Variants in TASOR observed in about 807,000 individuals in gnomAD.
TASOR encodes the protein protein TASOR.
Under a neutral mutation model 178.6 loss-of-function variants are expected in TASOR, and 53 were observed. The observed-to-expected ratio is 0.30, with a 90% CI of 0.24 to 0.37. The LOEUF is 0.37. Among genes scored for constraint, TASOR ranks in the 10% least tolerant of loss-of-function variants. The pLI, the probability that TASOR is intolerant of heterozygous loss-of-function variation, is 1.00. For missense variants in TASOR, 1,815 were observed against 1,971.4 expected (o/e 0.92, Z 1.50); for synonymous variants, 713 against 696.2 (o/e 1.02, Z -0.38).
intron 17 of TASOR, among the ~76,000 whole-genome samples, chr3:56,635,450 C>CTTCTCG (rs1380333505): frequency 6.6e-6 from 1 of 151,756 alleles, no homozygotes; most frequent in Non-Finnish European, 1.5e-5. Context: ...GAAGGATACA[C>CTTCTCG]GAGAAATTGG....
intron 13 of TASOR, 24 bp downstream of exon 13, chr3:56,648,798 G>T: frequency 6.5e-7 from 1 of 1,536,472 alleles, no homozygotes; most frequent in Non-Finnish European, 8.9e-7. Flanking sequence ...TAAGTAACCA[G>T]ATTTAGATAT....
chr3:56,681,728 G>T (rs1483941750), intron 1 of TASOR, among the ~76,000 whole-genome samples: 3 of 152,090 alleles, frequency 2.0e-5, no homozygotes, highest in African/African-American at 7.2e-5. Flanking sequence ...AAAATTTACT[G>T]GATAGTTAAA....
chr3:56,676,683 A>T lies in TASOR; in HGVS notation c.332-2958T>A, dbSNP rs1255782663. ...TTTCTATGAAATGTTAGTCTACATA[A>T]AAGAAATTTTCATTAGTTAAGCTAC... is the stretch of plus-strand genomic sequence containing the variant. On this transcript the variant is annotated intron_variant, in intron 1 of 23. Transcript: ENST00000683822. Among the ~76,000 whole-genome samples, 5 of 152,224 alleles carry T rather than the reference A, an allele frequency of 3.3e-5. No homozygotes were observed. The South Asian group carries it at 1.0e-3, about 32-fold the overall frequency.
At chr3:56,650,620 C>T (rs9867302) in intron 11 of TASOR, among the ~76,000 whole-genome samples, 28,166 of 152,042 alleles carry the variant, frequency 0.19, 3,436 homozygotes, top group South Asian at 0.41. Flanking sequence ...AAAGGAAGTT[C>T]AAATATTCTT....
At chr3:56,667,933 TA>T (rs1457558029) in intron 6 of TASOR, among the ~76,000 whole-genome samples, 1 of 152,200 alleles carries the variant, frequency 6.6e-6, no homozygotes, top group African/African-American at 2.4e-5. Context: ...TTTGCATCTT[TA>T]AAAATGTTAA....
chr3:56,640,091 T>G lies in TASOR; in HGVS notation c.2659A>C (p.Ser887Arg). The G allele has an allele frequency of 6.2e-7, 1 of 1,613,590 alleles. No individual in the cohort carries two copies. Residue 887 changes from serine (S) to arginine (R), a missense_variant, in exon 16 of 24, where the codon AGT (serine) becomes CGT (arginine). Ser to Arg is a moderately radical substitution (Grantham distance 110). Coordinates refer to ENST00000683822, the MANE Select transcript of TASOR (RefSeq NM_001365635.2). ...TCAATGGGAACACTGGGACACAAAC[T>G]GCAATCTTCAAAATTATTCACGCTA... ...LISVNNFEDC[S>R]LCPSVPIEHG...
intron 1 of TASOR, among the ~76,000 whole-genome samples, chr3:56,675,965 C>T (rs1204950439): frequency 6.6e-6 from 1 of 152,184 alleles, no homozygotes; most frequent in Non-Finnish European, 1.5e-5. Flanking sequence ...ATGGTTACCA[C>T]TATTTTCGAA....
intron 4 of TASOR, 50 bp from the exon 5 acceptor site, chr3:56,669,841 C>T: frequency 7.6e-7 from 1 of 1,307,334 alleles, no homozygotes; most frequent in Admixed American, 2.5e-5. Context: ...TTCAAAATCA[C>T]TAGGACTAAA....
Position 56,665,000 on chromosome 3 carries a change from C to A in TASOR, c.1022+1260G>T, listed in dbSNP as rs756341913. 1.0e-3 allele frequency among the ~76,000 whole-genome samples: 156 copies of A among 152,234 alleles called. 1 individual carries two copies. The highest frequency in any genetic ancestry group is 1.8e-3 in the Admixed American group (27 of 15,290). On this transcript the variant is annotated intron_variant, in intron 7 of 23. Coordinates refer to ENST00000683822, the MANE Select transcript of TASOR (RefSeq NM_001365635.2). ...GACCAGCCTGGCCAACACAGCAAGA[C>A]CCATTTCCATGAAAACTAAAAATAA...
Position 56,671,642 on chromosome 3 carries a change from T to C in TASOR, c.528A>G (p.Glu176=), listed in dbSNP as rs1427374897. The C allele has an allele frequency of 2.6e-6, 4 of 1,549,940 alleles. No homozygotes were observed. The highest frequency in any genetic ancestry group is 2.5e-5 in the East Asian group (1 of 40,794). ...ELKFDGRLDK[E]LSESYAFLMV... ...TCAGAAATGCATAGGATTCTGAAAG[T>C]TCCTTATCTAAACGACCATCAAACT... The change falls in exon 3 of 24, where the codon GAA becomes GAG. Residue 176 remains glutamate (E), a synonymous_variant. Coordinates refer to ENST00000683822, the MANE Select transcript of TASOR (RefSeq NM_001365635.2).
At chr3:56,658,375 T>C (rs975794425) in intron 11 of TASOR, among the ~76,000 whole-genome samples, 1 of 152,222 alleles carries the variant, frequency 6.6e-6, no homozygotes, top group East Asian at 1.9e-4. Flanking sequence ...CCGAAAGATA[T>C]TGTAATTTTC....
intron 11 of TASOR, among the ~76,000 whole-genome samples, chr3:56,651,588 T>C (rs2077353173): frequency 6.6e-6 from 1 of 152,042 alleles, no homozygotes; most frequent in Admixed American, 6.6e-5. Flanking sequence ...TAGTCCTGGC[T>C]ACTTGGAAAG....
intron 9 of TASOR, among the ~76,000 whole-genome samples, chr3:56,662,183 A>G (rs1392343231): frequency 6.6e-6 from 1 of 152,060 alleles, no homozygotes; most frequent in Non-Finnish European, 1.5e-5. Flanking sequence ...TGACTAGCCT[A>G]TCCTCAAATC....
Position 56,682,952 on chromosome 3 carries a change from T to G in TASOR, c.55A>C (p.Ser19Arg), listed in dbSNP as rs2031939793. The G allele has an allele frequency of 6.5e-7, 1 of 1,549,712 alleles. No homozygotes were observed. Among genetic ancestry groups the G allele is most frequent in the African/African-American group, 1.4e-5 (1 of 73,132 alleles). Residue 19 changes from serine to arginine, a missense_variant, in exon 1 of 24, where the codon AGT becomes CGT. Transcript: ENST00000683822. ...ATCTCGTCGTCTCCGCCGCCGCCAC[T>G]TTCCCAACTCGCATCCGTCGGCTGA... ...ACQPTDASWE[S>R]GGGGDDEMKQ...
At chr3:56,624,125 A>G (rs1260479171) in intron 23 of TASOR, among the ~76,000 whole-genome samples, 1 of 152,202 alleles carries the variant, frequency 6.6e-6, no homozygotes, top group African/African-American at 2.4e-5. Context: ...CTAAATCGCC[A>G]TATCTGGTTT....
Position 56,682,667 on chromosome 3 carries a change from A to C in TASOR, c.331+9T>G. Reference sequence around the variant, plus strand: ...GAGAGAGGGGGTTGAGAAGAAGGGGAGGCACCACCTTTCTTTTCTCTGCTC... The same window carrying C: ...GAGAGAGGGGGTTGAGAAGAAGGGGCGGCACCACCTTTCTTTTCTCTGCTC... On this transcript the variant is annotated intron_variant, in intron 1 of 23. Coordinates refer to ENST00000683822, the MANE Select transcript of TASOR (RefSeq NM_001365635.2). 6.9e-7 allele frequency: 1 copy of C among 1,454,030 alleles called. No individual in the cohort carries two copies. The highest frequency in any genetic ancestry group is 2.5e-5 in the East Asian group (1 of 39,618). 90.1% of individuals were successfully genotyped at this position (1,454,030 alleles called of 1,614,324 possible). A position where few individuals can be genotyped will look rare whatever the true frequency, so the allele number is the denominator to read the frequency against.
chr3:56,651,249 T>G (rs1227644520), intron 11 of TASOR, among the ~76,000 whole-genome samples: 1 of 151,150 alleles, frequency 6.6e-6, no homozygotes, highest in Admixed American at 6.6e-5. Context: ...TGTCTCTATT[T>G]TAGCTGTTTG....
Position 56,683,133 on chromosome 3 carries a change from T to C in TASOR, c.-127A>G, listed in dbSNP as rs2031954985. On this transcript the variant is annotated 5_prime_UTR_variant, in exon 1 of 24. Transcript: ENST00000683822. ...CACCCACCCCCTTCCCCCCGTGGCC[T>C]CAGGCTGCGCTCCCGACCTGGCAGC... The C allele has an allele frequency of 9.0e-7, 1 of 1,112,298 alleles. No homozygotes were observed. The highest frequency in any genetic ancestry group is 2.7e-5 in the East Asian group (1 of 37,204). The allele number at this position is 1,112,298 out of a possible 1,614,324, so 68.9% of individuals were successfully genotyped here.
chr3:56,621,687 A>G lies in TASOR; in HGVS notation c.*1350T>C. ...ATTATAAAATGTGCTCACTGGCTCA[A>G]CTGTATTTTTCAAATAGCCTAGATT... On this transcript the variant is annotated 3_prime_UTR_variant, in exon 24 of 24. Coordinates refer to ENST00000683822, the MANE Select transcript of TASOR (RefSeq NM_001365635.2). 4.6e-6 allele frequency: 5 copies of G among 1,085,056 alleles called. No individual in the cohort carries two copies. The highest frequency in any genetic ancestry group is 6.8e-6 in the Non-Finnish European group (5 of 737,928). 67.2% of individuals were successfully genotyped at this position (1,085,056 alleles called of 1,614,324 possible).
Sources: allele counts gnomAD v4.1 joint callset (sites outside exome capture counted in the v4.1 genomes callset), GRCh38; gene constraint gnomAD v4.1.1; transcripts MANE v1.5; gene names NCBI Gene and HGNC (gene_info 2026-07-23, HGNC 2026-07-21).